RAB27B: variants seen among roughly 807,000 people sequenced by gnomAD.
RAB27B encodes the protein RAB27B, member RAS oncogene family.
A neutral mutation model predicts 24.6 loss-of-function variants in RAB27B; 15 were observed. The observed-to-expected ratio is 0.61, with a 90% CI of 0.41 to 0.94. RAB27B has a LOEUF of 0.94. Ranked by LOEUF, RAB27B falls within the 40% of genes least tolerant of loss-of-function variation. The pLI is 0.00. For missense variants in RAB27B, 261 were observed against 266.8 expected (o/e 0.98, Z 0.15); for synonymous variants, 105 against 92.5 (o/e 1.14, Z -0.78).
intron 1 of RAB27B, among the ~76,000 whole-genome samples, chr18:54,858,596 G>T (rs556798733): frequency 6.6e-6 from 1 of 152,112 alleles, no homozygotes; most frequent in East Asian, 1.9e-4. Flanking sequence ...GTTTCACCGT[G>T]TTAGCCAGGA....
intron 2 of RAB27B, among the ~76,000 whole-genome samples, chr18:54,782,838 T>C (rs1303636748): frequency 2.6e-5 from 4 of 152,156 alleles, no homozygotes; most frequent in African/African-American, 4.8e-5. Context: ...CTCAGTTCCA[T>C]TGAAGATGTA....
At chr18:54,843,435 A>G (rs1387634228) in intron 1 of RAB27B, among the ~76,000 whole-genome samples, 1 of 152,170 alleles carries the variant, frequency 6.6e-6, no homozygotes, top group Non-Finnish European at 1.5e-5. Flanking sequence ...AAGAGAATTT[A>G]CACTTGAAGA....
chr18:54,891,685 T>C lies in RAB27B; in HGVS notation c.*2272T>C, dbSNP rs1213017605. On this transcript the variant is annotated 3_prime_UTR_variant, in exon 6 of 6. Transcript: ENST00000262094. ...TTTTGTTTCTATTCATTTTCAGTTA[T>C]ATGATTGATTTACTTATGCCAAGAT... is the stretch of plus-strand genomic sequence containing the variant. The C allele has an allele frequency of 2.6e-5, 4 of 152,148 alleles. No homozygotes were observed. Among genetic ancestry groups the C allele is most frequent in the Non-Finnish European group, 4.4e-5 (3 of 68,020 alleles). 9.4% of individuals were successfully genotyped at this position (152,148 alleles called of 1,614,324 possible). A position where few individuals can be genotyped will look rare whatever the true frequency, so the allele number is the denominator to read the frequency against.
At chr18:54,882,042 A>G (rs1369365891) in intron 3 of RAB27B, among the ~76,000 whole-genome samples, 2 of 152,168 alleles carry the variant, frequency 1.3e-5, no homozygotes, top group East Asian at 1.9e-4. Flanking sequence ...AGAATTATTC[A>G]ATCAAAGCAC....
chr18:54,868,205 G>A (rs1912317440), intron 1 of RAB27B, among the ~76,000 whole-genome samples: 1 of 152,170 alleles, frequency 6.6e-6, no homozygotes, highest in Non-Finnish European at 1.5e-5. Flanking sequence ...AACTACTAAA[G>A]TGTGATGTTC....
intron 2 of RAB27B, among the ~76,000 whole-genome samples, chr18:54,765,834 G>A (rs1265404303): frequency 1.3e-5 from 2 of 152,066 alleles, no homozygotes; most frequent in Non-Finnish European, 2.9e-5. Flanking sequence ...ACACCCCATT[G>A]CTCACTGTGA....
chr18:54,846,910 G>A (rs367721612), intron 1 of RAB27B, among the ~76,000 whole-genome samples: 44 of 152,192 alleles, frequency 2.9e-4, no homozygotes, highest in African/African-American at 1.0e-3. Flanking sequence ...GAGTGCAGAG[G>A]TGTGATCTCG....
At chr18:54,796,357 G>A (rs947379365) in intron 2 of RAB27B, among the ~76,000 whole-genome samples, 1 of 152,178 alleles carries the variant, frequency 6.6e-6, no homozygotes. Flanking sequence ...CTGTCTTATC[G>A]TAAGGGCAGA....
intron 1 of RAB27B, among the ~76,000 whole-genome samples, chr18:54,841,163 G>C (rs1400821267): frequency 8.2e-6 from 1 of 122,164 alleles, no homozygotes; most frequent in Non-Finnish European, 1.8e-5. Flanking sequence ...GCGGGGCGGT[G>C]GGGGGTTTGG....
Position 54,890,994 on chromosome 18 carries a change from T to TA in RAB27B, c.*1581_*1582insA, listed in dbSNP as rs386387756. On this transcript the variant is annotated 3_prime_UTR_variant, in exon 6 of 6. Coordinates refer to ENST00000262094, the MANE Select transcript of RAB27B (RefSeq NM_004163.4). Reference sequence around the variant, plus strand: ...CAAAGACAATATATTTTCGTTTTTTTTTATTATGAGCATATGATTTTTTGA... The same window carrying TA: ...CAAAGACAATATATTTTCGTTTTTTTATTATTATGAGCATATGATTTTTTGA... 6.6e-6 allele frequency: 1 copy of TA among 151,584 alleles called. No individual in the cohort carries two copies. Among genetic ancestry groups the TA allele is most frequent in the African/African-American group, 2.4e-5 (1 of 41,230 alleles). The allele number at this position is 151,584 out of a possible 1,614,324, so 9.4% of individuals were successfully genotyped here. A position where few individuals can be genotyped will look rare whatever the true frequency, so the allele number is the denominator to read the frequency against.
intron 2 of RAB27B, among the ~76,000 whole-genome samples, chr18:54,810,802 C>T (rs919617982): frequency 6.6e-6 from 1 of 151,338 alleles, no homozygotes; most frequent in Admixed American, 6.6e-5. Context: ...CACTGCACTC[C>T]AGCCTGGGCA....
chr18:54,720,315 T>C (rs1282002381), intron 2 of RAB27B, among the ~76,000 whole-genome samples: 1 of 152,132 alleles, frequency 6.6e-6, no homozygotes, highest in Non-Finnish European at 1.5e-5. Flanking sequence ...ATCAATATTA[T>C]ACAGATTTAC....
Position 54,895,268 on chromosome 18 carries a change from T to A in RAB27B, c.*5855T>A, listed in dbSNP as rs1231410688. The A allele has an allele frequency of 2.0e-5, 3 of 152,090 alleles. No homozygotes were observed. Among genetic ancestry groups the A allele is most frequent in the Non-Finnish European group, 2.9e-5 (2 of 67,978 alleles). 9.4% of individuals were successfully genotyped at this position (152,090 alleles called of 1,614,324 possible). On this transcript the variant is annotated 3_prime_UTR_variant, in exon 6 of 6. Coordinates refer to ENST00000262094, the MANE Select transcript of RAB27B (RefSeq NM_004163.4). ...TGTCTGTCTCCTATATAGATCTGTT[T>A]TGTCTAGTGCTATGAATGTAACTTA...
chr18:54,790,459 A>G (rs1453494779), intron 2 of RAB27B, among the ~76,000 whole-genome samples: 1 of 152,204 alleles, frequency 6.6e-6, no homozygotes, highest in Non-Finnish European at 1.5e-5. Context: ...AAAAGTTATC[A>G]GTGATTTAAT....
chr18:54,831,089 C>A (rs1354465735), intron 1 of RAB27B, among the ~76,000 whole-genome samples: 3 of 152,112 alleles, frequency 2.0e-5, no homozygotes, highest in African/African-American at 7.2e-5. Flanking sequence ...CAGGGTGAGT[C>A]TATGGCACAG....
At chr18:54,745,845 A>T (rs1237363611) in intron 2 of RAB27B, among the ~76,000 whole-genome samples, 1 of 146,446 alleles carries the variant, frequency 6.8e-6, no homozygotes, top group Non-Finnish European at 1.5e-5. Context: ...ATTATATATT[A>T]TTATTTATAA....
chr18:54,771,428 A>G (rs999551977), intron 2 of RAB27B, among the ~76,000 whole-genome samples: 7 of 152,180 alleles, frequency 4.6e-5, no homozygotes, highest in Non-Finnish European at 1.0e-4. Context: ...GAGAAGTCGA[A>G]GTGAGGTAAA....
rs1337496058 is a variant in RAB27B, at chr18:54,890,606, T to A, written c.*1193T>A. 1 of 152,322 alleles carries A rather than the reference T, an allele frequency of 6.6e-6. No individual in the cohort carries two copies. Among genetic ancestry groups the A allele is most frequent in the Admixed American group, 6.5e-5 (1 of 15,280 alleles). The allele number at this position is 152,322 out of a possible 1,614,324, so 9.4% of individuals were successfully genotyped here. On this transcript the variant is annotated 3_prime_UTR_variant, in exon 6 of 6. Coordinates refer to ENST00000262094, the MANE Select transcript of RAB27B (RefSeq NM_004163.4). ...TTGATCAATAACTTTGGAACAATTATGGATCAATTCTATGGTCACTCTGAA... is the reference window on the plus strand; with the variant it reads ...TTGATCAATAACTTTGGAACAATTAAGGATCAATTCTATGGTCACTCTGAA...
rs141162257 is a variant in RAB27B, at chr18:54,724,934, A to G, written c.-20+6793A>G. 6.1e-3 allele frequency among the ~76,000 whole-genome samples: 921 copies of G among 151,716 alleles called. 22 individuals carry two copies. The highest frequency in any genetic ancestry group is 0.028 in the South Asian group (135 of 4,738). On this transcript the variant is annotated intron_variant, in intron 2 of 4. Transcript: ENST00000586570. ...TCTTACTTATGATCTGTTGTTAACA[A>G]TTTGAATGCTATTACATGAAAGAGG...
Sources: gnomAD v4.1 joint callset for allele counts (sites outside exome capture counted in the v4.1 genomes callset) on GRCh38, gnomAD v4.1.1 for gene constraint, MANE v1.5 for transcripts, NCBI Gene and HGNC (gene_info 2026-07-23, HGNC 2026-07-21) for gene names.